The following NAALADL2 variants were observed in gnomAD, a reference collection of about 807,000 sequenced individuals.
The protein encoded by NAALADL2 is inactive N-acetylated-alpha-linked acidic dipeptidase-like protein 2.
NAALADL2 carries 76 observed loss-of-function variants against 87.2 expected under a neutral mutation model. The observed-to-expected ratio is 0.87, with a 90% CI of 0.72 to 1.05. The LOEUF (loss-of-function observed/expected upper bound fraction) is 1.05, where lower values mean the gene tolerates loss of function less well. NAALADL2 is among the 50% of genes least tolerant of loss of function. NAALADL2 has a pLI of 0.00. For synonymous variants in NAALADL2, 354 were observed against 331.0 expected (o/e 1.07, Z -0.75); for missense variants, 1,089 against 945.8 (o/e 1.15, Z -1.99).
chr3:175,172,409 A>C (rs1734978542), intron 2 of NAALADL2, among the ~76,000 whole-genome samples: 1 of 152,178 alleles, frequency 6.6e-6, no homozygotes, highest in Admixed American at 6.5e-5. Context: ...ATATATACAC[A>C]TTCCTGGTTA....
chr3:175,155,938 T>C (rs1414589374), intron 2 of NAALADL2, among the ~76,000 whole-genome samples: 1 of 151,972 alleles, frequency 6.6e-6, no homozygotes, highest in Non-Finnish European at 1.5e-5. Context: ...AAAAAACAAA[T>C]GAGATGTTAA....
intron 13 of NAALADL2, among the ~76,000 whole-genome samples, chr3:175,786,100 G>A (rs1216465140): frequency 1.3e-5 from 2 of 152,078 alleles, no homozygotes; most frequent in African/African-American, 4.8e-5. Flanking sequence ...CCCTTTGAGG[G>A]TAACCCAACC....
At chr3:174,693,636 G>T (rs536281382) in intron 2 of NAALADL2, among the ~76,000 whole-genome samples, 1 of 152,260 alleles carries the variant, frequency 6.6e-6, no homozygotes, top group African/African-American at 2.4e-5. Context: ...TTAGCGAGTG[G>T]AATTGAAGAA....
intron 2 of NAALADL2, among the ~76,000 whole-genome samples, chr3:175,108,285 T>C (rs1393909879): frequency 6.6e-6 from 1 of 151,954 alleles, no homozygotes; most frequent in Non-Finnish European, 1.5e-5. Flanking sequence ...GGTATGCAGC[T>C]TTCAGTATTA....
intron 9 of NAALADL2, among the ~76,000 whole-genome samples, chr3:175,509,185 G>T (rs1039131491): frequency 3.3e-5 from 5 of 151,444 alleles, no homozygotes; most frequent in Non-Finnish European, 7.4e-5. Flanking sequence ...TGTCTTGCAT[G>T]TTCCTATACT....
At position 174,859,416 on chromosome 3, in the gene NAALADL2, G is replaced by A. The variant is rs1481265050; in HGVS notation, c.9G>A (p.Glu3=). 3 of 1,609,938 alleles carry A rather than the reference G, an allele frequency of 1.9e-6. No homozygotes were observed. The highest frequency in any genetic ancestry group is 1.7e-4 in the Middle Eastern group (1 of 6,058). MG[E]NEASLPNTSL... ...TAAAAAGAAATAATAAAATGGGAGA[G>A]AATGAAGCAAGTTTACCTAACACGT... is the stretch of plus-strand genomic sequence containing the variant. The change falls in exon 1 of 14, where the codon GAG becomes GAA. Residue 3 remains glutamate, a synonymous_variant. Transcript: ENST00000454872.
intron 2 of NAALADL2, among the ~76,000 whole-genome samples, chr3:174,588,905 G>A (rs557861555): frequency 6.6e-6 from 1 of 152,156 alleles, no homozygotes; most frequent in Non-Finnish European, 1.5e-5. Context: ...CTTCAAGACT[G>A]CCAGACAGGG....
chr3:174,843,485 G>C (rs901479812), intron 3 of NAALADL2, among the ~76,000 whole-genome samples: 29 of 152,102 alleles, frequency 1.9e-4, no homozygotes, highest in Non-Finnish European at 3.7e-4. Context: ...ATTGTGAATA[G>C]AGCTGCAATA....
At chr3:175,175,958 G>A (rs1735636538) in intron 2 of NAALADL2, among the ~76,000 whole-genome samples, 1 of 152,012 alleles carries the variant, frequency 6.6e-6, no homozygotes, top group African/African-American at 2.4e-5. Flanking sequence ...AGTTATTTAT[G>A]TGCTAGAAAA....
In NAALADL2 at chr3:175,139,072, A is replaced by G. The variant is rs191279729; in HGVS notation, c.545+41781A>G. Among the ~76,000 whole-genome samples the G allele has an allele frequency of 3.1e-3, 477 of 151,684 alleles. 3 individuals are homozygous for G. The highest frequency in any genetic ancestry group is 5.7e-3 in the Non-Finnish European group (389 of 67,854). ...GAATTTTTCTGTCCAATGTTATATTAAACACAAGTAGAACTCTTACCCTCT... is the reference window on the plus strand; with the variant it reads ...GAATTTTTCTGTCCAATGTTATATTGAACACAAGTAGAACTCTTACCCTCT... On this transcript the variant is annotated intron_variant, in intron 2 of 13. Coordinates refer to ENST00000454872, the MANE Select transcript of NAALADL2 (RefSeq NM_207015.3).
At chr3:174,489,353 G>A (rs1000780526) in intron 1 of NAALADL2, among the ~76,000 whole-genome samples, 2 of 151,956 alleles carry the variant, frequency 1.3e-5, no homozygotes, top group Admixed American at 6.6e-5. Context: ...TGGACCATAA[G>A]CCTGAATATA....
chr3:175,260,956 G>T (rs936034649), intron 4 of NAALADL2, among the ~76,000 whole-genome samples: 28 of 152,042 alleles, frequency 1.8e-4, no homozygotes, highest in African/African-American at 6.5e-4. Context: ...CAACATTGCA[G>T]GGTAGGAACT....
intron 2 of NAALADL2, among the ~76,000 whole-genome samples, chr3:175,207,653 G>C (rs929945181): frequency 2.6e-5 from 4 of 152,008 alleles, no homozygotes; most frequent in Admixed American, 2.0e-4. Flanking sequence ...TTTCCTCTCT[G>C]TTTTCCCTTC....
At chr3:175,332,416 C>T (rs890089902) in intron 5 of NAALADL2, among the ~76,000 whole-genome samples, 1 of 152,166 alleles carries the variant, frequency 6.6e-6, no homozygotes, top group Non-Finnish European at 1.5e-5. Context: ...ATCCTCCCAC[C>T]TCAGCCTCCA....
chr3:175,571,658 C>A (rs926262327), intron 9 of NAALADL2, among the ~76,000 whole-genome samples: 1 of 152,072 alleles, frequency 6.6e-6, no homozygotes, highest in African/African-American at 2.4e-5. Context: ...TATAGATTTA[C>A]AATCACTGCA....
chr3:174,665,183 T>G (rs888690360), intron 2 of NAALADL2, among the ~76,000 whole-genome samples: 3 of 152,160 alleles, frequency 2.0e-5, no homozygotes, highest in African/African-American at 7.2e-5. Context: ...TTCCTTGGAA[T>G]TATTATGAGC....
At chr3:174,726,012 T>C (rs1414014181) in intron 2 of NAALADL2, among the ~76,000 whole-genome samples, 5 of 152,156 alleles carry the variant, frequency 3.3e-5, no homozygotes, top group Non-Finnish European at 7.3e-5. Context: ...TTCCTTGTCT[T>C]CAGCCTAATC....
chr3:175,314,696 A>ATATATATATAGTTCTAAC lies in NAALADL2; in HGVS notation c.940-9469_940-9468insGTTCTAACTATATATATA, dbSNP rs1553857602. 1.1e-4 allele frequency among the ~76,000 whole-genome samples: 10 copies of ATATATATATAGTTCTAAC among 87,838 alleles called. 1 individual carries two copies. The highest frequency in any genetic ancestry group is 4.5e-4 in the East Asian group (1 of 2,246). The allele number at this position is 87,838 out of a possible 152,430, so 57.6% of individuals were successfully genotyped here. A position where few individuals can be genotyped will look rare whatever the true frequency, so the allele number is the denominator to read the frequency against. On this transcript the variant is annotated intron_variant, in intron 4 of 13. Transcript: ENST00000454872. ...TATATATATATATATATATATATAT[A>ATATATATATAGTTCTAAC]TATATATATATATATATATATATAT...
intron 11 of NAALADL2, among the ~76,000 whole-genome samples, chr3:175,641,024 G>A (rs1395058344): frequency 1.3e-5 from 2 of 152,118 alleles, no homozygotes; most frequent in African/African-American, 2.4e-5. Flanking sequence ...GTAAAAAAAA[G>A]GGATGCATTT....
Sources: allele counts gnomAD v4.1 joint callset (sites outside exome capture counted in the v4.1 genomes callset), GRCh38; gene constraint gnomAD v4.1.1; transcripts MANE v1.5; gene names NCBI Gene and HGNC (gene_info 2026-07-23, HGNC 2026-07-21).